FANCC: variants seen among roughly 807,000 people sequenced by gnomAD.
The protein encoded by FANCC is FA complementation group C, also known as Fanconi anemia group C protein.
A neutral mutation model predicts 71.3 loss-of-function variants in FANCC; 55 were observed. The observed-to-expected ratio is 0.77, with a 90% CI of 0.62 to 0.97. The LOEUF is 0.97. FANCC is among the 50% of genes least tolerant of loss of function. The pLI, the probability that FANCC is intolerant of heterozygous loss-of-function variation, is 0.00. For missense variants in FANCC, 678 were observed against 670.9 expected (o/e 1.01, Z -0.12); for synonymous variants, 275 against 244.9 (o/e 1.12, Z -1.15).
intron 4 of FANCC, among the ~76,000 whole-genome samples, chr9:95,188,935 T>C (rs1826905020): frequency 6.6e-6 from 1 of 152,206 alleles, no homozygotes; most frequent in South Asian, 2.1e-4. Context: ...AAGTTACAAA[T>C]GATATTTTAA....
intron 1 of FANCC, among the ~76,000 whole-genome samples, chr9:95,260,627 C>T (rs1215921602): frequency 6.8e-6 from 1 of 146,084 alleles, no homozygotes; most frequent in Non-Finnish European, 1.5e-5. Context: ...CACCATGGCA[C>T]GTGTATACCT....
At chr9:95,121,799 CAT>C (rs750058827) in intron 10 of FANCC, among the ~76,000 whole-genome samples, 4 of 151,562 alleles carry the variant, frequency 2.6e-5, no homozygotes, top group Non-Finnish European at 5.9e-5. Flanking sequence ...TTTAGGCAGT[CAT>C]ATATATGTGA....
At position 95,101,774 on chromosome 9, in the gene FANCC, C is replaced by A. The variant is rs775430136; in HGVS notation, c.1610G>T (p.Gly537Val). ...TTTTTCTGATCTAGGGCTTTCAATG[C>A]CAAGACGATTCCATCTGTACAAGGT... ...DQTLYRWNRL[G>V]IESPRSEKLA... is the part of the protein sequence containing the mutation. Residue 537 changes from glycine (G) to valine (V), a missense_variant, in exon 15 of 15, where the codon GGC (glycine) becomes GTC (valine). Physicochemically the swap from Gly to Val is moderately radical, Grantham distance 109 (BLOSUM62 -3). Transcript: ENST00000289081. 18 of 1,614,174 alleles carry A rather than the reference C, an allele frequency of 1.1e-5. No individual in the cohort carries two copies. Among genetic ancestry groups the A allele is most frequent in the South Asian group, 9.9e-5 (9 of 91,084 alleles).
chr9:95,146,036 A>T (rs1428952568), intron 7 of FANCC, among the ~76,000 whole-genome samples: 3 of 152,166 alleles, frequency 2.0e-5, no homozygotes, highest in Admixed American at 2.0e-4. Flanking sequence ...AATCAGGATA[A>T]TTTAATTCCT....
At chr9:95,110,571 T>C in intron 13 of FANCC, 1 of 1,034,028 alleles carries the variant, frequency 9.7e-7, no homozygotes. Flanking sequence ...ATTTCAACTT[T>C]TTAAAATCTA....
At chr9:95,184,532 T>TA (rs146154935) in intron 4 of FANCC, among the ~76,000 whole-genome samples, 2,273 of 152,252 alleles carry the variant, frequency 0.015, 59 homozygotes, top group African/African-American at 0.051. Flanking sequence ...ACAAAACTGT[T>TA]AAAAATACAT....
chr9:95,102,941 C>T (rs997509104), intron 14 of FANCC, among the ~76,000 whole-genome samples: 8 of 152,234 alleles, frequency 5.3e-5, no homozygotes, highest in East Asian at 1.9e-4. Flanking sequence ...GCAGCCAGCA[C>T]GGGGGCTCCG....
intron 7 of FANCC, among the ~76,000 whole-genome samples, chr9:95,141,244 C>G (rs140578430): frequency 7.6e-6 from 1 of 130,932 alleles, no homozygotes; most frequent in East Asian, 2.5e-4. Context: ...CCTGGGAGGT[C>G]GAGGCTACAG....
intron 1 of FANCC, among the ~76,000 whole-genome samples, chr9:95,255,385 G>T (rs1400729856): frequency 6.6e-6 from 1 of 152,128 alleles, no homozygotes; most frequent in Admixed American, 6.5e-5. Flanking sequence ...CTGCTGTTCT[G>T]AAACCTCCAC....
chr9:95,137,630 G>C (rs915464347), intron 7 of FANCC, among the ~76,000 whole-genome samples: 1 of 152,192 alleles, frequency 6.6e-6, no homozygotes, highest in Non-Finnish European at 1.5e-5. Context: ...GATTTGGAGT[G>C]TCTGAGGCAC....
At chr9:95,246,615 C>G (rs1425571396) in intron 3 of FANCC, among the ~76,000 whole-genome samples, 1 of 152,128 alleles carries the variant, frequency 6.6e-6, no homozygotes, top group Non-Finnish European at 1.5e-5. Context: ...TTCCTGTTCT[C>G]GAGAGGCATG....
At chr9:95,307,067 T>C (rs1038403766) in intron 1 of FANCC, among the ~76,000 whole-genome samples, 1 of 152,138 alleles carries the variant, frequency 6.6e-6, no homozygotes, top group Admixed American at 6.5e-5. Flanking sequence ...GTATTTTTTG[T>C]AGAGACAAGG....
intron 7 of FANCC, among the ~76,000 whole-genome samples, chr9:95,146,969 T>C (rs1829656736): frequency 1.3e-5 from 2 of 151,438 alleles, no homozygotes; most frequent in South Asian, 4.1e-4. Flanking sequence ...TTTGAAAACT[T>C]TTCTAATTTT....
rs372504954 is a variant in FANCC at position 95,148,851 on chromosome 9, C to T, written c.686+1072G>A. 9.8e-4 allele frequency among the ~76,000 whole-genome samples: 149 copies of T among 152,312 alleles called. 2 individuals carry two copies. The highest frequency in any genetic ancestry group is 3.5e-3 in the African/African-American group (146 of 41,588). On this transcript the variant is annotated intron_variant, in intron 7 of 14. Coordinates refer to ENST00000289081, the MANE Select transcript of FANCC (RefSeq NM_000136.3). ...CTACCCTTTAAAAAATGACCATTTT[C>T]AAATTTTGGTGAGCTATCAAAGCAG...
At chr9:95,188,534 A>C (rs1442756642) in intron 4 of FANCC, among the ~76,000 whole-genome samples, 2 of 152,194 alleles carry the variant, frequency 1.3e-5, no homozygotes, top group African/African-American at 4.8e-5. Flanking sequence ...AGAAGGGAGA[A>C]ATTTCCATCC....
rs576177729 is a variant in FANCC at position 95,272,542 on chromosome 9, A to G, written c.-78-23173T>C. Among the ~76,000 whole-genome samples the G allele has an allele frequency of 2.0e-5, 3 of 152,184 alleles. No individual in the cohort carries two copies. In the East Asian group the frequency reaches 5.8e-4, roughly 30 times the overall value. On this transcript the variant is annotated intron_variant, in intron 1 of 14. Coordinates refer to ENST00000289081, the MANE Select transcript of FANCC (RefSeq NM_000136.3). ...GAAACCCTGTCACTACTAAAAATAG[A>G]AAAAATTAGTTGGGCGTGGTGTCAT... is the stretch of plus-strand genomic sequence containing the variant.
rs149900248 is a variant in FANCC at position 95,146,330 on chromosome 9, T to C, written c.686+3593A>G. On this transcript the variant is annotated intron_variant, in intron 7 of 14. Coordinates refer to ENST00000289081, the MANE Select transcript of FANCC (RefSeq NM_000136.3). ...GGTGAAATGCCGTCTCTACCGAAAATACAAAAAATTAGCCAGGCATGGTAG... is the reference window on the plus strand; with the variant it reads ...GGTGAAATGCCGTCTCTACCGAAAACACAAAAAATTAGCCAGGCATGGTAG... 4.7e-5 allele frequency among the ~76,000 whole-genome samples: 7 copies of C among 150,336 alleles called. No homozygotes were observed. The East Asian group carries it at 1.4e-3, about 30-fold the overall frequency.
At chr9:95,297,649 AAAC>A (rs1187344241) in intron 1 of FANCC, among the ~76,000 whole-genome samples, 6 of 152,220 alleles carry the variant, frequency 3.9e-5, no homozygotes, top group Admixed American at 1.3e-4. Context: ...AAAAACATTA[AAAC>A]AACACCAAGC....
chr9:95,161,845 T>TC (rs1554840977), intron 6 of FANCC, among the ~76,000 whole-genome samples: 1 of 143,056 alleles, frequency 7.0e-6, no homozygotes, highest in African/African-American at 2.7e-5. Flanking sequence ...TTCTTTTCTT[T>TC]TTTTTTTTTT....
Sources: allele counts gnomAD v4.1 joint callset (sites outside exome capture counted in the v4.1 genomes callset), GRCh38; gene constraint gnomAD v4.1.1; transcripts MANE v1.5; gene names NCBI Gene and HGNC (gene_info 2026-07-23, HGNC 2026-07-21).